The following ZNF804B variants were observed in gnomAD, a reference collection of about 807,000 sequenced individuals.
The protein encoded by ZNF804B is zinc finger 804B.
Under a neutral mutation model 101.4 loss-of-function variants are expected in ZNF804B, and 80 were observed. The ratio of observed to expected loss-of-function variants is 0.79; its 90% confidence interval spans 0.66 to 0.95. ZNF804B has a LOEUF of 0.95. Ranked by LOEUF, ZNF804B falls within the 40% of genes least tolerant of loss-of-function variation. The pLI, the probability that ZNF804B is intolerant of heterozygous loss-of-function variation, is 0.00. For synonymous variants in ZNF804B, 622 were observed against 558.8 expected (o/e 1.11, Z -1.59); for missense variants, 1,673 against 1,561.9 (o/e 1.07, Z -1.20).
chr7:89,116,373 A>G (rs973191905), intron 1 of ZNF804B, among the ~76,000 whole-genome samples: 1 of 152,174 alleles, frequency 6.6e-6, no homozygotes, highest in South Asian at 2.1e-4. Flanking sequence ...AGGTTGTTCA[A>G]TTATAATAGT....
chr7:89,162,768 A>G (rs1262285402), intron 1 of ZNF804B, among the ~76,000 whole-genome samples: 2 of 149,414 alleles, frequency 1.3e-5, no homozygotes, highest in African/African-American at 4.9e-5. Context: ...CTCGTCATCT[A>G]GCATTAGGTA....
At chr7:89,170,780 T>C (rs1338169693) in intron 1 of ZNF804B, among the ~76,000 whole-genome samples, 1 of 152,228 alleles carries the variant, frequency 6.6e-6, no homozygotes, top group Non-Finnish European at 1.5e-5. Flanking sequence ...CTTCAACACT[T>C]TCTCCCCTAC....
At chr7:89,145,008 A>C (rs1790772182) in intron 1 of ZNF804B, among the ~76,000 whole-genome samples, 1 of 151,850 alleles carries the variant, frequency 6.6e-6, no homozygotes, top group African/African-American at 2.4e-5. Context: ...TGAGAGGTTG[A>C]GATGGGAGGA....
intron 1 of ZNF804B, among the ~76,000 whole-genome samples, chr7:89,039,646 A>T (rs912445506): frequency 7.9e-5 from 9 of 114,190 alleles, no homozygotes; most frequent in African/African-American, 3.0e-4. Context: ...TTTCTCTTCA[A>T]GTGTCTTTTT....
chr7:89,037,744 C>G (rs1584088743), intron 1 of ZNF804B, among the ~76,000 whole-genome samples: 1 of 151,986 alleles, frequency 6.6e-6, no homozygotes, highest in African/African-American at 2.4e-5. Context: ...TATATTAGAT[C>G]TCCAGAATTT....
intron 1 of ZNF804B, among the ~76,000 whole-genome samples, chr7:88,890,463 A>T (rs1792200008): frequency 6.6e-6 from 1 of 152,172 alleles, no homozygotes; most frequent in Non-Finnish European, 1.5e-5. Context: ...ATGTCTTCCA[A>T]AGTGGCTGTA....
chr7:89,150,438 A>G (rs554468376), intron 1 of ZNF804B, among the ~76,000 whole-genome samples: 9 of 152,196 alleles, frequency 5.9e-5, no homozygotes, highest in African/African-American at 2.2e-4. Flanking sequence ...AGAGAAAAGC[A>G]TTGTCTTGTT....
intron 1 of ZNF804B, among the ~76,000 whole-genome samples, chr7:88,919,729 C>T (rs1286262052): frequency 1.3e-5 from 2 of 151,838 alleles, no homozygotes; most frequent in Non-Finnish European, 2.9e-5. Flanking sequence ...GTTATCGTAG[C>T]ATTTCTTAAA....
At chr7:88,915,439 A>T (rs528567774) in intron 1 of ZNF804B, among the ~76,000 whole-genome samples, 1 of 152,092 alleles carries the variant, frequency 6.6e-6, no homozygotes, top group African/African-American at 2.4e-5. Context: ...AAACTTAAAA[A>T]TAAGTTCACA....
chr7:89,060,143 C>T (rs1789357302), intron 1 of ZNF804B, among the ~76,000 whole-genome samples: 1 of 152,038 alleles, frequency 6.6e-6, no homozygotes, highest in Admixed American at 6.6e-5. Context: ...CCAGGGTCTC[C>T]AGCTTGCAGA....
chr7:89,070,677 G>A (rs1789522425), intron 1 of ZNF804B, among the ~76,000 whole-genome samples: 1 of 152,084 alleles, frequency 6.6e-6, no homozygotes, highest in African/African-American at 2.4e-5. Flanking sequence ...ACTGTGCCTG[G>A]CCTACAGTAA....
intron 1 of ZNF804B, among the ~76,000 whole-genome samples, chr7:88,966,198 ATAT>A (rs1793451358): frequency 6.6e-6 from 1 of 151,522 alleles, no homozygotes; most frequent in Non-Finnish European, 1.5e-5. Context: ...GTGTGTACAG[ATAT>A]TATAATACTT....
intron 1 of ZNF804B, among the ~76,000 whole-genome samples, chr7:89,129,637 TA>T (rs1790517889): frequency 6.6e-6 from 1 of 152,014 alleles, no homozygotes; most frequent in Admixed American, 6.6e-5. Context: ...CTAAATTTAT[TA>T]ACCCCTCAAA....
At chr7:89,028,252 T>G (rs569901459) in intron 1 of ZNF804B, among the ~76,000 whole-genome samples, 1 of 152,220 alleles carries the variant, frequency 6.6e-6, no homozygotes, top group Non-Finnish European at 1.5e-5. Context: ...GAACTTGAGT[T>G]AATTACAAAC....
intron 1 of ZNF804B, among the ~76,000 whole-genome samples, chr7:88,768,237 A>G (rs184714545): frequency 4.9e-4 from 74 of 152,310 alleles, no homozygotes; most frequent in Admixed American, 3.7e-3. Flanking sequence ...ATTGACTTCA[A>G]TGTTTAGCTT....
chr7:88,950,292 T>G (rs1327727579), intron 1 of ZNF804B, among the ~76,000 whole-genome samples: 1 of 151,974 alleles, frequency 6.6e-6, no homozygotes. Flanking sequence ...TTTAATTAGA[T>G]TGTCTATTTA....
At chr7:89,042,955 G>A (rs1182622738) in intron 1 of ZNF804B, among the ~76,000 whole-genome samples, 1 of 152,130 alleles carries the variant, frequency 6.6e-6, no homozygotes, top group Admixed American at 6.6e-5. Flanking sequence ...ATTTAAATAA[G>A]CTATTCTTTT....
chr7:89,334,208 A>G lies in ZNF804B; in HGVS notation c.1226A>G (p.Asn409Ser), dbSNP rs1791035106. Residue 409 changes from asparagine (N) to serine (S), a missense_variant, in exon 4 of 4, where the codon AAC becomes AGC. Transcript: ENST00000333190. Reference sequence around the variant, plus strand: ...CTGAATCCAAATTCCAGAATAGAGAACAGAGAAAAATCTTTAGATAAAACA... The same window carrying G: ...CTGAATCCAAATTCCAGAATAGAGAGCAGAGAAAAATCTTTAGATAAAACA... ...VHLNPNSRIE[N>S]REKSLDKTER... The G allele has an allele frequency of 3.1e-6, 5 of 1,613,548 alleles. No homozygotes were observed. Among genetic ancestry groups the G allele is most frequent in the Non-Finnish European group, 4.2e-6 (5 of 1,179,820 alleles).
chr7:88,944,387 A>G (rs990430583), intron 1 of ZNF804B, among the ~76,000 whole-genome samples: 12 of 151,726 alleles, frequency 7.9e-5, no homozygotes, highest in African/African-American at 2.9e-4. Flanking sequence ...TCACTTTTGT[A>G]TTTTTGTTTA....
Sources: gnomAD v4.1 joint callset for allele counts (sites outside exome capture counted in the v4.1 genomes callset) on GRCh38, gnomAD v4.1.1 for gene constraint, MANE v1.5 for transcripts, NCBI Gene and HGNC (gene_info 2026-07-23, HGNC 2026-07-21) for gene names.